Variants in RPS6KC1 observed in about 807,000 individuals in gnomAD.
The protein encoded by RPS6KC1 is ribosomal protein S6 kinase C1.
RPS6KC1 carries 54 observed loss-of-function variants against 103.8 expected under a neutral mutation model. The ratio of observed to expected loss-of-function variants is 0.52; its 90% confidence interval spans 0.42 to 0.65. RPS6KC1 has a LOEUF of 0.65. Ranked by LOEUF, RPS6KC1 falls within the 30% of genes least tolerant of loss-of-function variation. The probability of loss-of-function intolerance (pLI) is 0.00; values close to 1 mark genes in which losing one functional copy is unlikely to be tolerated. For missense variants in RPS6KC1, 1,151 were observed against 1,253.8 expected (o/e 0.92, Z 1.24); for synonymous variants, 439 against 438.7 (o/e 1.00, Z -0.01).
At chr1:213,192,781 T>G (rs1030320330) in intron 8 of RPS6KC1, among the ~76,000 whole-genome samples, 3 of 152,170 alleles carry the variant, frequency 2.0e-5, no homozygotes, top group Non-Finnish European at 2.9e-5. Context: ...AGATGCATCA[T>G]TAGGTGGTTT....
At chr1:213,807,551 T>G in the RPS6KC1 span, among the ~76,000 whole-genome samples, 3 of 152,220 alleles carry the variant, frequency 2.0e-5, no homozygotes, top group Non-Finnish European at 4.4e-5. Flanking sequence ...CACTGATACC[T>G]TTTCTTCCAG....
At chr1:213,783,465 G>A in the RPS6KC1 span, among the ~76,000 whole-genome samples, 1 of 152,138 alleles carries the variant, frequency 6.6e-6, no homozygotes, top group Non-Finnish European at 1.5e-5. Context: ...GTTGAAAGCT[G>A]TGTTTGTTGC....
the RPS6KC1 span, among the ~76,000 whole-genome samples, chr1:213,783,158 G>T: frequency 6.6e-6 from 1 of 152,160 alleles, no homozygotes; most frequent in South Asian, 2.1e-4. Flanking sequence ...TCCAGACACC[G>T]CAGTATGACA....
At chr1:213,477,900 T>C in the RPS6KC1 span, among the ~76,000 whole-genome samples, 1 of 152,282 alleles carries the variant, frequency 6.6e-6, no homozygotes, top group South Asian at 2.1e-4. Flanking sequence ...AGTCTATTGT[T>C]TACATTAGGG....
the RPS6KC1 span, among the ~76,000 whole-genome samples, chr1:213,473,703 A>C: frequency 6.6e-6 from 1 of 152,370 alleles, no homozygotes; most frequent in African/African-American, 2.4e-5. Context: ...TATTTGCGGA[A>C]GTCCACGTTA....
At chr1:213,358,491 AT>A in the RPS6KC1 span, among the ~76,000 whole-genome samples, 2 of 152,030 alleles carry the variant, frequency 1.3e-5, no homozygotes, top group African/African-American at 4.8e-5. Flanking sequence ...CCCCTTTATC[AT>A]TTTTTATTGC....
At chr1:213,217,613 A>G (rs1336942029) in intron 8 of RPS6KC1, among the ~76,000 whole-genome samples, 1 of 152,250 alleles carries the variant, frequency 6.6e-6, no homozygotes, top group Non-Finnish European at 1.5e-5. Context: ...CATCGATGCA[A>G]AAATCCTCAA....
rs761043603 is a variant in RPS6KC1 at position 213,167,917 on chromosome 1, C to T, written c.895C>T (p.Arg299Trp). The T allele has an allele frequency of 1.6e-5, 26 of 1,613,430 alleles. No homozygotes were observed. The highest frequency in any genetic ancestry group is 3.3e-5 in the South Asian group (3 of 91,008). Reference sequence around the variant, plus strand: ...GAGAAGAACAGCCGAGTACCTCATGCGGGCAGAAAGTATCTCTAGTCTTTA... The same window carrying T: ...GAGAAGAACAGCCGAGTACCTCATGTGGGCAGAAAGTATCTCTAGTCTTTA... ...VKRRTAEYLM[R>W]AESISSLYGK... is the part of the protein sequence containing the mutation. The change falls in exon 7 of 15, where the codon CGG (arginine) becomes TGG (tryptophan). Residue 299 changes from arginine to tryptophan, a missense_variant. Arg to Trp is a moderately radical substitution (Grantham distance 101). Coordinates refer to ENST00000366960, the MANE Select transcript of RPS6KC1 (RefSeq NM_012424.6).
the RPS6KC1 span, among the ~76,000 whole-genome samples, chr1:213,429,615 A>G: frequency 8.5e-5 from 13 of 152,310 alleles, no homozygotes; most frequent in East Asian, 1.5e-3. Flanking sequence ...GAAAAACCGG[A>G]TACTTGGAGC....
chr1:213,827,802 G>A, the RPS6KC1 span, among the ~76,000 whole-genome samples: 5 of 152,096 alleles, frequency 3.3e-5, no homozygotes, highest in African/African-American at 7.2e-5. Flanking sequence ...CCTGAAGGAG[G>A]GAATGCAGCC....
chr1:213,074,939 G>A lies in RPS6KC1; in HGVS notation c.142-2757G>A, dbSNP rs1387557638. 3.7e-4 allele frequency among the ~76,000 whole-genome samples: 46 copies of A among 123,880 alleles called. No homozygotes were observed. In the Admixed American group the frequency reaches 4.6e-3, roughly 12 times the overall value. 81.3% of individuals were successfully genotyped at this position (123,880 alleles called of 152,430 possible). A position where few individuals can be genotyped will look rare whatever the true frequency, so the allele number is the denominator to read the frequency against. ...ATGATCTCAGCTCACTGCAAACTCC[G>A]CCTCCCGGGTTCATGCCGTTCTCCT... On this transcript the variant is annotated intron_variant, in intron 2 of 14. Coordinates refer to ENST00000366960, the MANE Select transcript of RPS6KC1 (RefSeq NM_012424.6).
chr1:213,678,049 C>T, the RPS6KC1 span, among the ~76,000 whole-genome samples: 1 of 151,858 alleles, frequency 6.6e-6, no homozygotes, highest in East Asian at 1.9e-4. Context: ...AGATCCCTAA[C>T]GAGGAATGTT....
the RPS6KC1 span, among the ~76,000 whole-genome samples, chr1:213,846,245 A>T: frequency 7.3e-5 from 11 of 151,568 alleles, no homozygotes; most frequent in African/African-American, 2.7e-4. Flanking sequence ...GGTCGCAGTG[A>T]ACCGAGATCA....
chr1:213,533,705 C>A, the RPS6KC1 span, among the ~76,000 whole-genome samples: 6 of 152,210 alleles, frequency 3.9e-5, no homozygotes, highest in Admixed American at 2.0e-4. Context: ...CACTTCCACA[C>A]GTTGCTATAA....
the RPS6KC1 span, among the ~76,000 whole-genome samples, chr1:213,755,332 A>T: frequency 1.3e-5 from 2 of 152,244 alleles, no homozygotes; most frequent in African/African-American, 2.4e-5. Flanking sequence ...AGAACTCCTA[A>T]GTACTCTTGT....
the RPS6KC1 span, among the ~76,000 whole-genome samples, chr1:213,776,349 CCTTGATCTATGGGCTG>C: frequency 6.6e-6 from 1 of 151,842 alleles, no homozygotes; most frequent in African/African-American, 2.4e-5. Context: ...CAAAATTACT[CCTTGATCTATGGGCTG>C]CAGAATGGAT....
At chr1:213,709,616 G>T in the RPS6KC1 span, among the ~76,000 whole-genome samples, 1,042 of 151,496 alleles carry the variant, frequency 6.9e-3, 13 homozygotes, top group African/African-American at 0.024. Context: ...ATTTTAGGGT[G>T]TCAATTTTAG....
chr1:213,312,251 A>AG, the RPS6KC1 span, among the ~76,000 whole-genome samples: 39,128 of 151,692 alleles, frequency 0.26, 5,950 homozygotes, highest in South Asian at 0.37. Flanking sequence ...CTCCCAGTGC[A>AG]GGGGGGGCAA....
At chr1:213,161,204 T>A (rs1208617122) in intron 6 of RPS6KC1, among the ~76,000 whole-genome samples, 1 of 152,198 alleles carries the variant, frequency 6.6e-6, no homozygotes, top group Non-Finnish European at 1.5e-5. Flanking sequence ...GAATAAATGA[T>A]AGAGAACATT....
Sources: gnomAD v4.1 joint callset for allele counts (sites outside exome capture counted in the v4.1 genomes callset) on GRCh38, gnomAD v4.1.1 for gene constraint, MANE v1.5 for transcripts, NCBI Gene and HGNC (gene_info 2026-07-23, HGNC 2026-07-21) for gene names.